TOX2: variants seen among roughly 807,000 people sequenced by gnomAD.
TOX2 encodes TOX high mobility group box family member 2, also known as granulosa cell HMG box 1.
In TOX2, 15 loss-of-function variants were observed where a neutral mutation model predicts 47.4. That is an observed-to-expected ratio of 0.32 (90% confidence interval 0.21 to 0.49). The LOEUF is 0.49. TOX2 is among the 20% of genes least tolerant of loss of function. The probability of loss-of-function intolerance (pLI) is 0.99; values close to 1 mark genes in which losing one functional copy is unlikely to be tolerated. For missense variants in TOX2, 622 were observed against 673.1 expected (o/e 0.92, Z 0.84); for synonymous variants, 290 against 296.6 (o/e 0.98, Z 0.23).
intron 5 of TOX2, among the ~76,000 whole-genome samples, chr20:44,056,532 G>A (rs4812778): frequency 0.051 from 7,756 of 152,210 alleles, 262 homozygotes; most frequent in Middle Eastern, 0.12. Context: ...CTCATTCAGC[G>A]CAGCCCAGAG....
chr20:44,068,380 C>T (rs1352125453), intron 8 of TOX2, among the ~76,000 whole-genome samples: 2 of 152,080 alleles, frequency 1.3e-5, no homozygotes, highest in African/African-American at 4.8e-5. Context: ...GTGACATCGG[C>T]GTGCGCCTCG....
chr20:44,033,946 A>G (rs547138772), intron 3 of TOX2, among the ~76,000 whole-genome samples: 1 of 152,306 alleles, frequency 6.6e-6, no homozygotes, highest in Non-Finnish European at 1.5e-5. Context: ...CTGGGGAGGC[A>G]GATATGCTGC....
intron 3 of TOX2, among the ~76,000 whole-genome samples, chr20:44,014,367 G>T (rs2070837621): frequency 6.6e-6 from 1 of 152,204 alleles, no homozygotes; most frequent in South Asian, 2.1e-4. Context: ...CTTGAAGAGA[G>T]AAATGGTAGA....
chr20:44,064,777 G>GCCTACAAGAGGAA lies in TOX2; in HGVS notation c.881_893dup (p.Lys298AsnfsTer23). On this transcript the variant is annotated frameshift_variant and splice_region_variant, in exon 6 of 9. Coordinates refer to ENST00000341197, the MANE Select transcript of TOX2 (RefSeq NM_001098797.2). LOFTEE classifies it high-confidence loss of function. ...GTTGCTCATGTGTTGACTCTTCCAGGCCTACAAGAGGAAGACAGAAGCAGC... is the reference window on the plus strand; with the variant it reads ...GTTGCTCATGTGTTGACTCTTCCAGGCCTACAAGAGGAACCTACAAGAGGAAGACAGAAGCAGC... 6.2e-7 allele frequency: 1 copy of GCCTACAAGAGGAA among 1,614,036 alleles called. No individual in the cohort carries two copies. The highest frequency in any genetic ancestry group is 8.5e-7 in the Non-Finnish European group (1 of 1,179,974).
rs3037502 is a variant in TOX2 at position 44,044,422 on chromosome 20, T to TAAAA, written c.412-6873_412-6870dup. Among the ~76,000 whole-genome samples the TAAAA allele has an allele frequency of 1.8e-4, 26 of 143,470 alleles. 1 individual carries two copies. The highest frequency in any genetic ancestry group is 6.8e-4 in the African/African-American group (26 of 38,290). 94.1% of individuals were successfully genotyped at this position (143,470 alleles called of 152,430 possible). A position where few individuals can be genotyped will look rare whatever the true frequency, so the allele number is the denominator to read the frequency against. On this transcript the variant is annotated intron_variant, in intron 3 of 8. Coordinates refer to ENST00000341197, the MANE Select transcript of TOX2 (RefSeq NM_001098797.2). ...CACATGTACCCTAGAACTTAAAGCA[T>TAAAA]AAAAAAAAAAAAAAGAAATGCAAAA...
At chr20:44,040,292 G>A (rs1318792320) in intron 3 of TOX2, among the ~76,000 whole-genome samples, 3 of 152,200 alleles carry the variant, frequency 2.0e-5, no homozygotes, top group African/African-American at 7.2e-5. Context: ...AGTAAGATGG[G>A]AGGAAATGTC....
At chr20:44,033,713 TCC>T (rs1352552686) in intron 3 of TOX2, among the ~76,000 whole-genome samples, 2 of 151,800 alleles carry the variant, frequency 1.3e-5, no homozygotes, top group African/African-American at 4.8e-5. Flanking sequence ...GAAATGCTTC[TCC>T]CCTGGAGCCT....
intron 3 of TOX2, among the ~76,000 whole-genome samples, chr20:44,022,534 A>G (rs1016932763): frequency 2.6e-5 from 4 of 152,170 alleles, no homozygotes; most frequent in Non-Finnish European, 5.9e-5. Context: ...CTTCCCAAGC[A>G]TTGGTGAACT....
chr20:44,046,834 T>C (rs1012644054), intron 3 of TOX2, among the ~76,000 whole-genome samples: 2 of 152,214 alleles, frequency 1.3e-5, no homozygotes, highest in Admixed American at 6.5e-5. Context: ...GGTGACACAA[T>C]AGTCTGTATA....
chr20:43,980,712 A>T (rs1319290620), intron 2 of TOX2, among the ~76,000 whole-genome samples: 1 of 152,234 alleles, frequency 6.6e-6, no homozygotes, highest in African/African-American at 2.4e-5. Flanking sequence ...AGGGAACCAT[A>T]AAGGCACCAG....
In TOX2 at chr20:44,023,550, C is replaced by G. The variant is rs140124232; in HGVS notation, c.411+16758C>G. On this transcript the variant is annotated intron_variant, in intron 3 of 8. Coordinates refer to ENST00000341197, the MANE Select transcript of TOX2 (RefSeq NM_001098797.2). The stretch of plus-strand genomic sequence containing the variant: ...CAGTTTTAAGAAAGATTGGCCAGGC[C>G]AATGGGGAGTCCTCAAACCAAAGCT... Among the ~76,000 whole-genome samples the G allele has an allele frequency of 5.2e-3, 798 of 152,240 alleles. 3 individuals are homozygous for G. Among genetic ancestry groups the G allele is most frequent in the Middle Eastern group, 0.034 (10 of 294 alleles).
chr20:44,035,102 C>T (rs1439394087), intron 3 of TOX2, among the ~76,000 whole-genome samples: 1 of 152,264 alleles, frequency 6.6e-6, no homozygotes, highest in East Asian at 1.9e-4. Context: ...TTGGCCACTG[C>T]CATAGACTGT....
chr20:43,952,209 AT>A lies in TOX2; in HGVS notation c.100-21149del, dbSNP rs202135247. Among the ~76,000 whole-genome samples the A allele has an allele frequency of 2.7e-4, 40 of 150,908 alleles. 2 individuals are homozygous for A. The East Asian group carries it at 7.8e-3, about 29-fold the overall frequency. On this transcript the variant is annotated intron_variant, in intron 1 of 8. Coordinates refer to ENST00000341197, the MANE Select transcript of TOX2 (RefSeq NM_001098797.2). Reference sequence around the variant, plus strand: ...AGCCACTGCGCCCAGCAGAAAAGTAATTTTTTTTTCTAAGAGACGGGGCCTT... The same window carrying A: ...AGCCACTGCGCCCAGCAGAAAAGTAATTTTTTTTCTAAGAGACGGGGCCTT...
intron 5 of TOX2, among the ~76,000 whole-genome samples, chr20:44,061,778 A>C (rs1370496153): frequency 6.6e-6 from 1 of 152,176 alleles, no homozygotes; most frequent in African/African-American, 2.4e-5. Context: ...CAGAAAGATA[A>C]TCCACCATGA....
chr20:43,925,482 T>C (rs933167059), intron 1 of TOX2, among the ~76,000 whole-genome samples: 4 of 152,182 alleles, frequency 2.6e-5, no homozygotes, highest in African/African-American at 9.7e-5. Context: ...TTTCCAGCCT[T>C]GTGCTCACCC....
At chr20:44,009,472 C>T (rs1367555269) in intron 3 of TOX2, among the ~76,000 whole-genome samples, 1 of 152,184 alleles carries the variant, frequency 6.6e-6, no homozygotes, top group Middle Eastern at 3.2e-3. Context: ...ATCAATAATG[C>T]AAGTCCTCAG....
At chr20:44,029,528 A>G (rs1197508645) in intron 3 of TOX2, among the ~76,000 whole-genome samples, 1 of 152,144 alleles carries the variant, frequency 6.6e-6, no homozygotes, top group African/African-American at 2.4e-5. Flanking sequence ...TGTAAGGTGG[A>G]AACAGCAGCA....
At chr20:43,963,742 C>T (rs1422727392) in intron 1 of TOX2, among the ~76,000 whole-genome samples, 1 of 152,150 alleles carries the variant, frequency 6.6e-6, no homozygotes, top group East Asian at 1.9e-4. Context: ...TGAAAATCAT[C>T]GTTGTTGGGA....
intron 5 of TOX2, among the ~76,000 whole-genome samples, chr20:44,058,257 C>T (rs1011875100): frequency 6.6e-6 from 1 of 152,228 alleles, no homozygotes; most frequent in Non-Finnish European, 1.5e-5. Context: ...TGGAAATAAA[C>T]TCGGTGCTGT....
Sources: allele counts gnomAD v4.1 joint callset (sites outside exome capture counted in the v4.1 genomes callset), GRCh38; gene constraint gnomAD v4.1.1; transcripts MANE v1.5; gene names NCBI Gene and HGNC (gene_info 2026-07-23, HGNC 2026-07-21).